The following KIFAP3 variants were observed in gnomAD, a reference collection of about 807,000 sequenced individuals.
KIFAP3 encodes the protein kinesin-associated protein 3.
In KIFAP3, 68 loss-of-function variants were observed where a neutral mutation model predicts 106.5. That is an observed-to-expected ratio of 0.64 (90% confidence interval 0.53 to 0.78). KIFAP3 has a LOEUF of 0.78. Ranked by LOEUF, KIFAP3 falls within the 30% of genes least tolerant of loss-of-function variation. KIFAP3 has a pLI of 0.00. For synonymous variants in KIFAP3, 320 were observed against 311.5 expected (o/e 1.03, Z -0.29); for missense variants, 780 against 941.8 (o/e 0.83, Z 2.25).
chr1:170,004,919 C>T (rs1203993611), intron 10 of KIFAP3, among the ~76,000 whole-genome samples: 2 of 151,828 alleles, frequency 1.3e-5, no homozygotes, highest in African/African-American at 4.8e-5. Flanking sequence ...AGTGAACAGG[C>T]AACCTACAGA....
intron 19 of KIFAP3, among the ~76,000 whole-genome samples, chr1:169,938,059 CTAGAT>C (rs1191176083): frequency 1.3e-5 from 2 of 151,780 alleles, no homozygotes; most frequent in Admixed American, 6.6e-5. Flanking sequence ...TTTCTTTAGG[CTAGAT>C]TAAAGTAGAT....
At chr1:170,064,368 T>A (rs1311713266) in intron 1 of KIFAP3, among the ~76,000 whole-genome samples, 2 of 152,198 alleles carry the variant, frequency 1.3e-5, no homozygotes, top group African/African-American at 2.4e-5. Flanking sequence ...TTACTTTATT[T>A]TTTGAGAAAG....
At chr1:170,060,552 G>A (rs1026441245) in intron 1 of KIFAP3, among the ~76,000 whole-genome samples, 1 of 152,164 alleles carries the variant, frequency 6.6e-6, no homozygotes, top group African/African-American at 2.4e-5. Flanking sequence ...CTCATGGATA[G>A]GAAGAATCAA....
At chr1:170,009,363 C>G (rs2101983598) in intron 10 of KIFAP3, among the ~76,000 whole-genome samples, 1 of 152,048 alleles carries the variant, frequency 6.6e-6, no homozygotes, top group Middle Eastern at 3.4e-3. Context: ...TGTGAATAAA[C>G]TCAAAAATTC....
At chr1:170,057,450 T>C (rs142619668) in intron 1 of KIFAP3, among the ~76,000 whole-genome samples, 14 of 152,224 alleles carry the variant, frequency 9.2e-5, no homozygotes, top group African/African-American at 2.9e-4. Context: ...ATGTTTATTA[T>C]AGAAAAACTA....
At chr1:169,952,139 G>A (rs927491603) in intron 19 of KIFAP3, among the ~76,000 whole-genome samples, 6 of 151,922 alleles carry the variant, frequency 3.9e-5, no homozygotes, top group African/African-American at 1.4e-4. Context: ...AAGGCAAGGT[G>A]TTTCTTACTA....
intron 1 of KIFAP3, 136 bp from the exon 2 acceptor site, chr1:170,055,572 G>A (rs1331743396): frequency 5.3e-6 from 3 of 561,970 alleles, no homozygotes; most frequent in Non-Finnish European, 9.0e-6. Context: ...CTTGGGATTA[G>A]AGATAACTCT....
intron 1 of KIFAP3, among the ~76,000 whole-genome samples, chr1:170,058,390 C>G (rs531623830): frequency 3.3e-5 from 5 of 152,136 alleles, no homozygotes; most frequent in Middle Eastern, 3.2e-3. Flanking sequence ...TCTCCATATG[C>G]TCTCTGGCAG....
chr1:169,977,976 T>TA, intron 16 of KIFAP3, 109 bp downstream of exon 16: 1 of 726,372 alleles, frequency 1.4e-6, no homozygotes, highest in East Asian at 2.7e-5. Context: ...TCTCAAAACT[T>TA]AGTGTTTTCT....
chr1:169,993,661 CA>C, intron 10 of KIFAP3, among the ~76,000 whole-genome samples: 2 of 143,586 alleles, frequency 1.4e-5, no homozygotes, highest in Admixed American at 7.0e-5. Context: ...GTGAGGCTTG[CA>C]GTGAGCCCAG....
intron 1 of KIFAP3, 75 bp downstream of exon 1, chr1:170,074,361 C>T (rs1420371665): frequency 2.2e-5 from 34 of 1,544,208 alleles, no homozygotes; most frequent in Non-Finnish European, 2.8e-5. Flanking sequence ...TGCCCAGTGA[C>T]ATCTCACAGC....
chr1:170,001,672 A>C (rs192010993), intron 10 of KIFAP3, among the ~76,000 whole-genome samples: 1 of 152,140 alleles, frequency 6.6e-6, no homozygotes, highest in African/African-American at 2.4e-5. Context: ...GTGAAATTCC[A>C]TAACAGTTCG....
chr1:170,053,524 A>G (rs1670682528), intron 2 of KIFAP3, among the ~76,000 whole-genome samples: 1 of 152,094 alleles, frequency 6.6e-6, no homozygotes, highest in African/African-American at 2.4e-5. Context: ...TATAGCCAAG[A>G]CAGTTCTAAG....
At chr1:170,077,838 AT>A (rs1671949248), upstream of KIFAP3, among the ~76,000 whole-genome samples, 1 of 150,850 alleles carries the variant, frequency 6.6e-6, no homozygotes, top group Middle Eastern at 3.5e-3. Flanking sequence ...GGTTTCTTTC[AT>A]TTAGCACAAT....
At chr1:169,926,618 T>C (rs913778653) in intron 19 of KIFAP3, among the ~76,000 whole-genome samples, 2 of 151,970 alleles carry the variant, frequency 1.3e-5, no homozygotes, top group Non-Finnish European at 2.9e-5. Flanking sequence ...TATAGTTATA[T>C]AATATTGAGT....
At chr1:170,015,974 A>C (rs1668489584) in intron 10 of KIFAP3, among the ~76,000 whole-genome samples, 1 of 152,092 alleles carries the variant, frequency 6.6e-6, no homozygotes, top group African/African-American at 2.4e-5. Flanking sequence ...GGATCACTGG[A>C]GCCCAGGAGT....
intron 18 of KIFAP3, among the ~76,000 whole-genome samples, chr1:169,956,736 G>A (rs1665034487): frequency 6.6e-6 from 1 of 151,476 alleles, no homozygotes; most frequent in African/African-American, 2.4e-5. Flanking sequence ...TGAGTAGCTG[G>A]GACTACAGGG....
At chr1:169,985,746 T>C (rs1666789163) in intron 11 of KIFAP3, among the ~76,000 whole-genome samples, 1 of 151,642 alleles carries the variant, frequency 6.6e-6, no homozygotes, top group Non-Finnish European at 1.5e-5. Context: ...TGGGCATGGG[T>C]ATAAAATGAG....
At chr1:170,048,510 T>C (rs530173232) in intron 2 of KIFAP3, among the ~76,000 whole-genome samples, 2 of 151,906 alleles carry the variant, frequency 1.3e-5, no homozygotes, top group Non-Finnish European at 2.9e-5. Context: ...TGTTTTCAAC[T>C]CATTTGGGTA....
Sources: gnomAD v4.1 joint callset for allele counts (sites outside exome capture counted in the v4.1 genomes callset) on GRCh38, gnomAD v4.1.1 for gene constraint, MANE v1.5 for transcripts, NCBI Gene and HGNC (gene_info 2026-07-23, HGNC 2026-07-21) for gene names.